The following ZFHX3 variants were observed in gnomAD, a reference collection of about 807,000 sequenced individuals.
ZFHX3 encodes the protein zinc finger homeobox 3, also known as zinc finger homeobox protein 3.
Under a neutral mutation model 279.1 loss-of-function variants are expected in ZFHX3, and 42 were observed. The ratio of observed to expected loss-of-function variants is 0.15; its 90% confidence interval spans 0.12 to 0.19. The LOEUF is 0.19. ZFHX3 is among the 10% of genes least tolerant of loss of function. The pLI is 1.00. For missense variants in ZFHX3, 4,981 were observed against 4,754.0 expected (o/e 1.05, Z -1.40); for synonymous variants, 2,293 against 1,957.8 (o/e 1.17, Z -4.52).
intron 2 of ZFHX3, among the ~76,000 whole-genome samples, chr16:73,527,813 A>T (rs1360684056): frequency 6.6e-6 from 1 of 152,174 alleles, no homozygotes; most frequent in Non-Finnish European, 1.5e-5. Flanking sequence ...TGAACTTGGA[A>T]ATGGATCCTC....
intron 2 of ZFHX3, among the ~76,000 whole-genome samples, chr16:73,515,880 C>T (rs2019512564): frequency 6.6e-6 from 1 of 152,156 alleles, no homozygotes; most frequent in Non-Finnish European, 1.5e-5. Context: ...GTCAAACAAG[C>T]CCATCTGGAA....
intron 3 of ZFHX3, among the ~76,000 whole-genome samples, chr16:72,920,388 A>G (rs907091967): frequency 6.6e-5 from 10 of 152,122 alleles, no homozygotes; most frequent in African/African-American, 2.4e-4. Context: ...ATCAACTTAA[A>G]GAAACACACC....
intron 7 of ZFHX3, among the ~76,000 whole-genome samples, chr16:73,094,171 T>G (rs988244945): frequency 6.6e-5 from 10 of 152,212 alleles, no homozygotes. Context: ...ATGCCTGATC[T>G]TTCTCCAGCA....
intron 1 of ZFHX3, among the ~76,000 whole-genome samples, chr16:73,729,155 T>G (rs141781233): frequency 1.3e-5 from 2 of 152,222 alleles, no homozygotes; most frequent in Non-Finnish European, 2.9e-5. Flanking sequence ...AGGAAGGAAT[T>G]CCAGTTCCTC....
At chr16:72,838,193 C>T (rs1420798134) in intron 4 of ZFHX3, among the ~76,000 whole-genome samples, 1 of 152,096 alleles carries the variant, frequency 6.6e-6, no homozygotes, top group Admixed American at 6.5e-5. Context: ...TAAGAATCAA[C>T]ACTCTGAAAG....
At chr16:73,004,163 T>TTTTTTTTTTTTTTTTTTTTTTTTTTTA (rs1963613700) in intron 1 of ZFHX3, among the ~76,000 whole-genome samples, 1 of 127,376 alleles carries the variant, frequency 7.9e-6, no homozygotes, top group Non-Finnish European at 1.6e-5. Flanking sequence ...ACACGACTTT[T>TTTTTTTTTTTTTTTTTTTTTTTTTTTA]TTTTTTTTTT....
intron 5 of ZFHX3, among the ~76,000 whole-genome samples, chr16:73,203,209 A>AACTG (rs1356351744): frequency 6.6e-6 from 1 of 152,070 alleles, no homozygotes; most frequent in Non-Finnish European, 1.5e-5. Flanking sequence ...ACTATGCATC[A>AACTG]ACTGACTTTG....
At chr16:73,049,424 G>A (rs1162595361), upstream of ZFHX3, among the ~76,000 whole-genome samples, 4 of 152,196 alleles carry the variant, frequency 2.6e-5, no homozygotes, top group East Asian at 7.7e-4. Context: ...GGCACACACT[G>A]ACTCGGGAGA....
At chr16:73,174,021 C>G (rs976695320) in intron 5 of ZFHX3, among the ~76,000 whole-genome samples, 13 of 152,128 alleles carry the variant, frequency 8.5e-5, no homozygotes, top group African/African-American at 3.1e-4. Context: ...AGTTAGTTTC[C>G]GGGCTCCCAA....
intron 4 of ZFHX3, among the ~76,000 whole-genome samples, chr16:72,845,085 A>G (rs946738055): frequency 2.0e-5 from 3 of 152,144 alleles, no homozygotes; most frequent in African/African-American, 7.2e-5. Context: ...CGTGTGGCGG[A>G]AAAGAGGGCA....
At chr16:73,318,985 G>A (rs1381027013) in intron 3 of ZFHX3, among the ~76,000 whole-genome samples, 1 of 151,932 alleles carries the variant, frequency 6.6e-6, no homozygotes, top group African/African-American at 2.4e-5. Flanking sequence ...CCCCACACTT[G>A]TCTGCAGCTG....
chr16:73,345,629 C>G (rs1276378077), intron 3 of ZFHX3, among the ~76,000 whole-genome samples: 1 of 152,136 alleles, frequency 6.6e-6, no homozygotes. Context: ...TTTTCTTTAT[C>G]CGCTTTATCA....
At chr16:73,766,007 G>T (rs1166181945) in intron 1 of ZFHX3, among the ~76,000 whole-genome samples, 1 of 152,122 alleles carries the variant, frequency 6.6e-6, no homozygotes, top group East Asian at 1.9e-4. Context: ...GGGGAGAAAA[G>T]AAAAATTAAA....
intron 3 of ZFHX3, among the ~76,000 whole-genome samples, chr16:73,405,646 G>A (rs538632279): frequency 2.0e-4 from 30 of 151,402 alleles, no homozygotes; most frequent in Non-Finnish European, 1.2e-4. Context: ...TCATTGCAAT[G>A]GGGCCCTGCA....
At chr16:73,363,945 G>C (rs1250346783) in intron 3 of ZFHX3, among the ~76,000 whole-genome samples, 1 of 152,108 alleles carries the variant, frequency 6.6e-6, no homozygotes, top group Non-Finnish European at 1.5e-5. Flanking sequence ...GGCCAAGGAG[G>C]GTGGATCACT....
intron 5 of ZFHX3, among the ~76,000 whole-genome samples, chr16:73,149,913 G>C (rs575944962): frequency 6.6e-6 from 1 of 152,184 alleles, no homozygotes; most frequent in Admixed American, 6.5e-5. Flanking sequence ...GGAGGCCCAA[G>C]TTCTCAGATG....
At chr16:73,327,233 G>A (rs1019965773) in intron 3 of ZFHX3, among the ~76,000 whole-genome samples, 4 of 152,208 alleles carry the variant, frequency 2.6e-5, no homozygotes, top group Non-Finnish European at 5.9e-5. Context: ...GTAGAACAGG[G>A]AGAAGCAATC....
intron 4 of ZFHX3, among the ~76,000 whole-genome samples, chr16:72,853,100 G>A (rs2037661177): frequency 6.6e-6 from 1 of 152,204 alleles, no homozygotes; most frequent in South Asian, 2.1e-4. Flanking sequence ...CTCACCTGAG[G>A]GATGACAAGG....
intron 4 of ZFHX3, among the ~76,000 whole-genome samples, chr16:73,267,210 G>A (rs982979093): frequency 6.6e-6 from 1 of 152,176 alleles, no homozygotes; most frequent in African/African-American, 2.4e-5. Flanking sequence ...GCATCTTTCT[G>A]CTGCATCAAG....
Sources: allele counts gnomAD v4.1 joint callset (sites outside exome capture counted in the v4.1 genomes callset), GRCh38; gene constraint gnomAD v4.1.1; transcripts MANE v1.5; gene names NCBI Gene and HGNC (gene_info 2026-07-23, HGNC 2026-07-21).